The following CDHR2 variants were observed in gnomAD, a reference collection of about 807,000 sequenced individuals.
CDHR2 encodes cadherin related family member 2.
A neutral mutation model predicts 138.6 loss-of-function variants in CDHR2; 104 were observed. That is an observed-to-expected ratio of 0.75 (90% confidence interval 0.64 to 0.88). CDHR2 has a LOEUF of 0.88. Among genes scored for constraint, CDHR2 ranks in the 40% least tolerant of loss-of-function variants. The probability of loss-of-function intolerance (pLI) is 0.00; values close to 1 mark genes in which losing one functional copy is unlikely to be tolerated. For synonymous variants in CDHR2, 755 were observed against 742.8 expected (o/e 1.02, Z -0.27); for missense variants, 1,624 against 1,727.6 (o/e 0.94, Z 1.06).
Position 176,568,801 on chromosome 5 carries a change from G to T in CDHR2, c.248G>T (p.Ser83Ile). The T allele has an allele frequency of 6.2e-7, 1 of 1,614,214 alleles. No homozygotes were observed. ...TPKTGEVKLA[S>I]ALDYETLYTF... is the part of the protein sequence containing the mutation. Reference sequence around the variant, plus strand: ...AAAACTGGGGAAGTGAAGCTGGCCAGCGCTCTGGACTACGAGGTAAAGAGC... The same window carrying T: ...AAAACTGGGGAAGTGAAGCTGGCCATCGCTCTGGACTACGAGGTAAAGAGC... Residue 83 changes from serine to isoleucine, a missense_variant, in exon 4 of 32, where the codon AGC (serine) becomes ATC (isoleucine). Physicochemically the swap from Ser to Ile is moderately radical, Grantham distance 142 (BLOSUM62 -2). Coordinates refer to ENST00000261944, the MANE Select transcript of CDHR2 (RefSeq NM_017675.6).
chr5:176,584,976 C>T lies in CDHR2; in HGVS notation c.2695C>T (p.Leu899=), dbSNP rs1350585662. ...CACGCTGGTTGTGCGGGCCTGTGAC[C>T]TAGCCACGGACCCCGGCTTCCAGGC... ...LVTLVVRACD[L]ATDPGFQAYS... is the part of the protein sequence containing the mutation. Residue 899 remains leucine (L), a synonymous_variant, in exon 19 of 32, where the codon CTA becomes TTA. Transcript: ENST00000261944. The T allele has an allele frequency of 6.4e-7, 1 of 1,555,720 alleles. No individual in the cohort carries two copies. The highest frequency in any genetic ancestry group is 1.2e-5 in the South Asian group (1 of 85,684).
At chr5:176,549,264 T>G (rs1757653039), upstream of CDHR2, 1 of 152,258 alleles carries the variant, frequency 6.6e-6, no homozygotes, top group South Asian at 2.1e-4. Context: ...CTGGGAGGTG[T>G]GGTCTCTGGC....
At chr5:176,569,032 G>A (rs370026633) in intron 5 of CDHR2, 22 bp downstream of exon 5, 1 of 1,613,074 alleles carries the variant, frequency 6.2e-7, no homozygotes, top group South Asian at 1.1e-5. Context: ...GGTGCAGGGG[G>A]GTAGACAGGG....
chr5:176,566,716 A>T (rs1174017755), intron 3 of CDHR2, among the ~76,000 whole-genome samples: 1 of 152,196 alleles, frequency 6.6e-6, no homozygotes, highest in African/African-American at 2.4e-5. Context: ...TCACAGAAGG[A>T]GGAAGGGGAC....
chr5:176,572,548 T>G (rs1270624581), intron 6 of CDHR2, among the ~76,000 whole-genome samples: 1 of 152,146 alleles, frequency 6.6e-6, no homozygotes, highest in African/African-American at 2.4e-5. Context: ...TTGAGCTAAT[T>G]TAGGGGTATG....
chr5:176,588,400 CATGA>C (rs1758724777), intron 21 of CDHR2, among the ~76,000 whole-genome samples: 1 of 97,988 alleles, frequency 1.0e-5, no homozygotes, highest in African/African-American at 3.8e-5. Context: ...GTGGTGAGTG[CATGA>C]GAGAGTGAGG....
chr5:176,550,688 C>T (rs1023408582), intron 1 of CDHR2, among the ~76,000 whole-genome samples: 4 of 152,178 alleles, frequency 2.6e-5, no homozygotes, highest in Non-Finnish European at 5.9e-5. Flanking sequence ...GTAGCGGTGG[C>T]GGTGCTGGGG....
chr5:176,558,382 AT>A (rs568355994), intron 1 of CDHR2, among the ~76,000 whole-genome samples: 9,478 of 120,616 alleles, frequency 0.079, 337 homozygotes, highest in East Asian at 0.16. Context: ...TGCCCAGCTA[AT>A]TTTTTTTTTT....
chr5:176,592,363 GTGA>G (rs1246804404), intron 30 of CDHR2, among the ~76,000 whole-genome samples: 4 of 148,396 alleles, frequency 2.7e-5, no homozygotes, highest in Non-Finnish European at 3.0e-5. Context: ...GGTAGTGATG[GTGA>G]TGGTGGTGGT....
intron 16 of CDHR2, 72 bp from the exon 17 acceptor site, chr5:176,581,271 T>G (rs1581144901): frequency 6.3e-7 from 1 of 1,582,962 alleles, no homozygotes. Context: ...GAGAGGAGGG[T>G]CCGGCTGCAT....
At chr5:176,560,629 C>T (rs555360562) in intron 1 of CDHR2, among the ~76,000 whole-genome samples, 49 of 152,346 alleles carry the variant, frequency 3.2e-4, no homozygotes, top group African/African-American at 1.1e-3. Flanking sequence ...TTTGCGTACT[C>T]GTCTGTAGTC....
rs1561873304 is a variant in CDHR2 at position 176,574,188 on chromosome 5, GC to G, written c.495+19del. 2.5e-6 allele frequency: 4 copies of G among 1,592,958 alleles called. No individual in the cohort carries two copies. The highest frequency in any genetic ancestry group is 3.4e-6 in the Non-Finnish European group (4 of 1,161,214). ...CATAGAGAAGGTGAGTGTGAAGGGG[GC>G]CCTGACCGCCTTTGTGACCGCCAGG... On this transcript the variant is annotated intron_variant, in intron 7 of 31. Transcript: ENST00000261944.
chr5:176,565,526 G>A (rs1343930447), intron 2 of CDHR2, 122 bp downstream of exon 2: 12 of 1,265,806 alleles, frequency 9.5e-6, no homozygotes, highest in Admixed American at 1.9e-5. Context: ...CCTGTGCTTG[G>A]CTAAGCTGGG....
Position 176,575,795 on chromosome 5 carries a change from G to A in CDHR2, c.916G>A (p.Glu306Lys), listed in dbSNP as rs1372915902. The change falls in exon 11 of 32, where the codon GAG becomes AAG. Residue 306 changes from glutamate to lysine, a missense_variant. By Grantham distance (56) the Glu-to-Lys change is moderately conservative. Around this residue, in one of 3 missense-constraint regions of CDHR2, gnomAD observed 1,061 missense variants for 1,136.6 expected, o/e 0.93. Transcript: ENST00000261944. ...VIRVNGSLDR[E>K]QLLEADEEVQ... ...CAGGGTCAACGGCTCCCTGGACCGT[G>A]AGCAGCTGCTGGAGGCGGATGAGGA... The A allele has an allele frequency of 1.9e-6, 3 of 1,558,430 alleles. No homozygotes were observed. In the African/African-American group the frequency reaches 4.1e-5, roughly 21 times the overall value.
upstream of CDHR2, among the ~76,000 whole-genome samples, chr5:176,546,101 C>G (rs1034243560): frequency 5.9e-5 from 9 of 152,174 alleles, no homozygotes; most frequent in Admixed American, 5.9e-4. Flanking sequence ...GAGCGGGGAG[C>G]CTGGAGCCTT....
chr5:176,584,784 G>T lies in CDHR2; in HGVS notation c.2503G>T (p.Asp835Tyr). 1 of 1,614,220 alleles carries T rather than the reference G, an allele frequency of 6.2e-7. No individual in the cohort carries two copies. Among genetic ancestry groups the T allele is most frequent in the Non-Finnish European group, 8.5e-7 (1 of 1,180,040 alleles). The change falls in exon 19 of 32, where the codon GAT (aspartate) becomes TAT (tyrosine). Residue 835 changes from aspartate (D) to tyrosine (Y), a missense_variant. Asp to Tyr is a radical substitution (Grantham distance 160). Coordinates refer to ENST00000261944, the MANE Select transcript of CDHR2 (RefSeq NM_017675.6). ...CCAGGTGGCTGTGGTGGTTGCCTCG[G>T]ATGTGGACACCAGTGCCCAGCTGGA... ...HGQVAVVVAS[D>Y]VDTSAQLEIQ...
In CDHR2 at chr5:176,578,019, G is replaced by A. The variant is rs1561875617; in HGVS notation, c.1513-15G>A. The A allele has an allele frequency of 6.2e-7, 1 of 1,607,290 alleles. No individual in the cohort carries two copies. On this transcript the variant is annotated splice_polypyrimidine_tract_variant and intron_variant, in intron 14 of 31. Transcript: ENST00000261944. ...TCGCCTCCACACAGCACCCTGCCATGTCTCTGCCTCACAGGCCACGGACCC... is the reference window on the plus strand; with the variant it reads ...TCGCCTCCACACAGCACCCTGCCATATCTCTGCCTCACAGGCCACGGACCC...
In CDHR2 at chr5:176,543,129, C is replaced by A. The variant is rs981977690; in HGVS notation, c.-16+360C>A. ...CCCGGGACTGCGAGCTCCCGCCGTGCGGGCGCCGGCAGAGGCCTGGCGGGA... is the reference window on the plus strand; with the variant it reads ...CCCGGGACTGCGAGCTCCCGCCGTGAGGGCGCCGGCAGAGGCCTGGCGGGA... On this transcript the variant is annotated intron_variant, in intron 1 of 31. Transcript: ENST00000510636. The surrounding 1 kb of genome is among the most constrained non-coding windows in gnomAD (Gnocchi z 4.0). Among the ~76,000 whole-genome samples, 4 of 151,110 alleles carry A rather than the reference C, an allele frequency of 2.6e-5. No individual in the cohort carries two copies. The highest frequency in any genetic ancestry group is 9.7e-5 in the African/African-American group (4 of 41,238).
intron 1 of CDHR2, among the ~76,000 whole-genome samples, chr5:176,557,140 C>G (rs1253321501): frequency 2.3e-5 from 1 of 42,846 alleles, no homozygotes; most frequent in South Asian, 1.5e-3. Context: ...CTCAGCCTCA[C>G]GAGTAGCTAG....
Sources: gnomAD v4.1 joint callset for allele counts (sites outside exome capture counted in the v4.1 genomes callset) on GRCh38, gnomAD v4.1.1 for gene constraint, gnomAD v4.1.1 regional missense constraint, Gnocchi (gnomAD v3.1) non-coding constraint, MANE v1.5 for transcripts, NCBI Gene and HGNC (gene_info 2026-07-23, HGNC 2026-07-21) for gene names.